The following BEND6 variants were observed in gnomAD, a reference collection of about 807,000 sequenced individuals.
BEND6 encodes BEN domain containing 6.
A neutral mutation model predicts 31.8 loss-of-function variants in BEND6; 24 were observed. The ratio of observed to expected loss-of-function variants is 0.75; its 90% CI spans 0.55 to 1.06. The LOEUF is 1.06. Among genes scored for constraint, BEND6 ranks in the 50% least tolerant of loss-of-function variants. The pLI is 0.00. For missense variants in BEND6, 294 were observed against 327.4 expected (o/e 0.90, Z 0.79); for synonymous variants, 109 against 114.6 (o/e 0.95, Z 0.31).
intron 6 of BEND6, among the ~76,000 whole-genome samples, chr6:57,023,972 T>A (rs1224531753): frequency 6.6e-6 from 1 of 152,194 alleles, no homozygotes; most frequent in African/African-American, 2.4e-5. Context: ...CTATTAAAGG[T>A]TTTTGCATTG....
chr6:57,015,196 G>A lies in BEND6; in HGVS notation c.362G>A (p.Gly121Asp), dbSNP rs970416397. The A allele has an allele frequency of 2.5e-6, 4 of 1,614,184 alleles. No homozygotes were observed. Among genetic ancestry groups the A allele is most frequent in the Non-Finnish European group, 3.4e-6 (4 of 1,180,032 alleles). The change falls in exon 4 of 7, where the codon GGT becomes GAT. Residue 121 changes from glycine to aspartate, a missense_variant. Coordinates refer to ENST00000370746, the MANE Select transcript of BEND6 (RefSeq NM_152731.3). ...GGTATGGCCGAGGCTCTGCTTAAGG[G>A]TGGGGGAACCATGTCTACATCTGCA... is the stretch of plus-strand genomic sequence containing the variant. ...LVGMAEALLK[G>D]GGTMSTSAST...
chr6:56,987,350 T>G (rs1301039779), intron 2 of BEND6, among the ~76,000 whole-genome samples: 1 of 152,188 alleles, frequency 6.6e-6, no homozygotes, highest in South Asian at 2.1e-4. Flanking sequence ...ACATTTGGAT[T>G]CTCCAGCTGT....
intron 1 of BEND6, among the ~76,000 whole-genome samples, chr6:56,977,229 C>T (rs904518037): frequency 6.6e-6 from 1 of 152,076 alleles, no homozygotes; most frequent in Non-Finnish European, 1.5e-5. Context: ...GAGAGTGGCA[C>T]AATAATCAAT....
chr6:57,024,286 A>G (rs182978871), intron 6 of BEND6, among the ~76,000 whole-genome samples: 342 of 152,286 alleles, frequency 2.2e-3, no homozygotes, highest in African/African-American at 7.8e-3. Context: ...GTTTGTTTGT[A>G]TACTTAATTT....
At chr6:56,975,662 C>G in intron 1 of BEND6, 1 of 403,330 alleles carries the variant, frequency 2.5e-6, no homozygotes, top group Non-Finnish European at 4.9e-6. Flanking sequence ...CGTGAAAAAA[C>G]TCAGTAGGAC....
rs1824612042 is a variant in BEND6 at position 56,955,227 on chromosome 6, G to C, written c.-334G>C. ...CGCCCTCCCGCGGGGCCGCCCGCCA[G>C]TCCGCGCCGTCCGCGGGTGCATTGG... On this transcript the variant is annotated 5_prime_UTR_variant, in exon 1 of 7. Transcript: ENST00000370746. The C allele has an allele frequency of 6.6e-6, 1 of 151,910 alleles. No homozygotes were observed. The highest frequency in any genetic ancestry group is 6.6e-5 in the Admixed American group (1 of 15,244). 9.4% of individuals were successfully genotyped at this position (151,910 alleles called of 1,614,324 possible). A position where few individuals can be genotyped will look rare whatever the true frequency, so the allele number is the denominator to read the frequency against.
At chr6:56,962,452 G>A (rs979825109) in intron 1 of BEND6, among the ~76,000 whole-genome samples, 6 of 152,142 alleles carry the variant, frequency 3.9e-5, no homozygotes, top group South Asian at 2.1e-4. Flanking sequence ...GTTTCCTGAC[G>A]TATCCCGATC....
At chr6:56,968,022 GTTTTTA>G (rs1218802963) in intron 1 of BEND6, among the ~76,000 whole-genome samples, 1 of 152,140 alleles carries the variant, frequency 6.6e-6, no homozygotes, top group African/African-American at 2.4e-5. Context: ...TGTTAGCTAT[GTTTTTA>G]TTTTTATTAA....
intron 6 of BEND6, among the ~76,000 whole-genome samples, chr6:57,024,096 CG>C (rs1428069636): frequency 6.6e-6 from 1 of 152,100 alleles, no homozygotes; most frequent in Non-Finnish European, 1.5e-5. Flanking sequence ...CTTAGGTCTA[CG>C]GTTTAATTGC....
chr6:56,968,312 C>CTTTTTTTTTTTTTTTTTTT (rs779756084), intron 1 of BEND6, among the ~76,000 whole-genome samples: 4 of 65,988 alleles, frequency 6.1e-5, no homozygotes, highest in South Asian at 8.3e-4. Flanking sequence ...TCTTTCTTTT[C>CTTTTTTTTTTTTTTTTTTT]TTTTTTTTTT....
At chr6:56,987,669 C>T (rs1826332639) in intron 2 of BEND6, among the ~76,000 whole-genome samples, 1 of 152,218 alleles carries the variant, frequency 6.6e-6, no homozygotes, top group Non-Finnish European at 1.5e-5. Context: ...ATTGCCCAGG[C>T]TCCTCCTCCA....
rs540208881 is a variant in BEND6, at chr6:56,987,134, C to T, written c.120+5204C>T. The stretch of plus-strand genomic sequence containing the variant: ...CTGGGATTACAGGCATGAGCCACCA[C>T]GCCTGGCTAATTTTTTTGTATTTTT... On this transcript the variant is annotated intron_variant, in intron 2 of 6. Coordinates refer to ENST00000370746, the MANE Select transcript of BEND6 (RefSeq NM_152731.3). Among the ~76,000 whole-genome samples, 6 of 152,104 alleles carry T rather than the reference C, an allele frequency of 3.9e-5. No homozygotes were observed. The South Asian group carries it at 6.2e-4, about 16-fold the overall frequency.
chr6:57,004,478 G>A, intron 3 of BEND6: 1 of 653,834 alleles, frequency 1.5e-6, no homozygotes, highest in East Asian at 3.0e-5. Flanking sequence ...ACCGCGCCCT[G>A]GGACCGTCCC....
At chr6:57,016,253 A>G (rs1362760866) in intron 4 of BEND6, among the ~76,000 whole-genome samples, 2 of 152,252 alleles carry the variant, frequency 1.3e-5, no homozygotes, top group South Asian at 2.1e-4. Context: ...AATGATAAAT[A>G]TTAACTAACA....
chr6:56,965,805 C>T (rs576734540), intron 1 of BEND6, among the ~76,000 whole-genome samples: 8 of 151,510 alleles, frequency 5.3e-5, no homozygotes, highest in Non-Finnish European at 8.8e-5. Flanking sequence ...AGTTGAATCA[C>T]TCCTGATTTT....
intron 3 of BEND6, among the ~76,000 whole-genome samples, chr6:56,998,701 C>T (rs191203893): frequency 2.8e-3 from 105 of 37,396 alleles, no homozygotes; most frequent in African/African-American, 4.7e-3. Context: ...TGACATTGGT[C>T]TGGGAAAGGA....
At chr6:57,007,783 T>C (rs1051809541) in intron 3 of BEND6, among the ~76,000 whole-genome samples, 3 of 152,140 alleles carry the variant, frequency 2.0e-5, no homozygotes, top group African/African-American at 7.2e-5. Flanking sequence ...CCAAGCTGGG[T>C]CCAGGAGTTT....
chr6:57,000,661 C>T (rs1826901274), intron 3 of BEND6, among the ~76,000 whole-genome samples: 1 of 150,854 alleles, frequency 6.6e-6, no homozygotes, highest in Admixed American at 6.6e-5. Flanking sequence ...AGGAGTTGAC[C>T]CTTTCCAAAA....
intron 6 of BEND6, among the ~76,000 whole-genome samples, chr6:57,024,014 A>G (rs546758367): frequency 1.3e-5 from 2 of 152,348 alleles, no homozygotes; most frequent in South Asian, 2.1e-4. Flanking sequence ...AAATATACAC[A>G]TAAGAAGTTG....
Sources: allele counts gnomAD v4.1 joint callset (sites outside exome capture counted in the v4.1 genomes callset), GRCh38; gene constraint gnomAD v4.1.1; transcripts MANE v1.5; gene names NCBI Gene and HGNC (gene_info 2026-07-23, HGNC 2026-07-21).